The following ZFHX3 variants were observed in gnomAD, a reference collection of about 807,000 sequenced individuals.
The protein encoded by ZFHX3 is zinc finger homeobox protein 3.
ZFHX3 carries 42 observed loss-of-function variants against 279.1 expected under a neutral mutation model. The observed-to-expected ratio is 0.15, with a 90% CI of 0.12 to 0.19. The LOEUF is 0.19. Ranked by LOEUF, ZFHX3 falls within the 10% of genes least tolerant of loss-of-function variation. ZFHX3 has a pLI of 1.00. For missense variants in ZFHX3, 4,981 were observed against 4,754.0 expected (o/e 1.05, Z -1.40); for synonymous variants, 2,293 against 1,957.8 (o/e 1.17, Z -4.52).
At chr16:72,867,035 T>C (rs1405166995) in intron 4 of ZFHX3, among the ~76,000 whole-genome samples, 1 of 152,176 alleles carries the variant, frequency 6.6e-6, no homozygotes, top group Admixed American at 6.5e-5. Flanking sequence ...GTGTAGAAAG[T>C]AATTAAGAGT....
intron 1 of ZFHX3, among the ~76,000 whole-genome samples, chr16:73,764,118 C>T (rs2053901364): frequency 6.6e-6 from 1 of 152,164 alleles, no homozygotes; most frequent in Admixed American, 6.6e-5. Flanking sequence ...CATCTGTGAT[C>T]ATTTGTTACA....
In ZFHX3 at chr16:72,910,254, C is replaced by T. The variant is rs1205585133; in HGVS notation, c.3217-20292G>A. Reference sequence around the variant, plus strand: ...ACAAAAATGTGGCCTTCTGAGTCTACGCCTTCCAGTAGCTGAAAACAATCC... The same window carrying T: ...ACAAAAATGTGGCCTTCTGAGTCTATGCCTTCCAGTAGCTGAAAACAATCC... On this transcript the variant is annotated intron_variant, in intron 3 of 9. Coordinates refer to ENST00000268489, the MANE Select transcript of ZFHX3 (RefSeq NM_006885.4). 3.3e-5 allele frequency among the ~76,000 whole-genome samples: 5 copies of T among 152,172 alleles called. No individual in the cohort carries two copies. In the East Asian group the frequency reaches 5.8e-4, roughly 18 times the overall value.
At chr16:73,735,792 T>A (rs535122840) in intron 1 of ZFHX3, among the ~76,000 whole-genome samples, 1 of 152,300 alleles carries the variant, frequency 6.6e-6, no homozygotes, top group African/African-American at 2.4e-5. Context: ...CAGGAGCTGT[T>A]TCCCATCATC....
chr16:73,420,509 T>C (rs980719799), intron 3 of ZFHX3: 1 of 152,192 alleles, frequency 6.6e-6, no homozygotes, highest in African/African-American at 2.4e-5. Flanking sequence ...CATCCTACAA[T>C]GCCCTAGAAA....
intron 8 of ZFHX3, among the ~76,000 whole-genome samples, chr16:73,085,613 A>G (rs1374942595): frequency 6.6e-6 from 1 of 152,226 alleles, no homozygotes; most frequent in African/African-American, 2.4e-5. Flanking sequence ...TGTGACTGGG[A>G]AAATTAGATA....
At chr16:73,159,920 G>A (rs371895979) in intron 5 of ZFHX3, among the ~76,000 whole-genome samples, 7 of 152,170 alleles carry the variant, frequency 4.6e-5, no homozygotes, top group African/African-American at 1.7e-4. Context: ...GTGCCACCAT[G>A]CCTGGCTAAT....
At chr16:73,626,616 G>A (rs561920937) in intron 2 of ZFHX3, among the ~76,000 whole-genome samples, 14 of 152,080 alleles carry the variant, frequency 9.2e-5, no homozygotes, top group Non-Finnish European at 1.9e-4. Context: ...CCAAGGAGTG[G>A]TCTATTGACC....
At chr16:72,978,627 CG>C (rs1164820722) in intron 1 of ZFHX3, among the ~76,000 whole-genome samples, 2 of 152,146 alleles carry the variant, frequency 1.3e-5, no homozygotes, top group Non-Finnish European at 2.9e-5. Context: ...GAGCATCGGC[CG>C]GGGGTGGGAG....
At chr16:72,960,745 C>T (rs1246568122) in intron 1 of ZFHX3, among the ~76,000 whole-genome samples, 4 of 152,102 alleles carry the variant, frequency 2.6e-5, no homozygotes, top group African/African-American at 4.8e-5. Flanking sequence ...TTGCAGCCGT[C>T]GCTTTTACTG....
chr16:73,558,709 C>CTTT lies in ZFHX3; in HGVS notation c.-1546-102454_-1546-102452dup, dbSNP rs989644068. Among the ~76,000 whole-genome samples the CTTT allele has an allele frequency of 6.5e-3, 585 of 90,458 alleles. 7 individuals are homozygous for CTTT. The highest frequency in any genetic ancestry group is 0.01 in the Non-Finnish European group (471 of 46,898). 59.3% of individuals were successfully genotyped at this position (90,458 alleles called of 152,430 possible). On this transcript the variant is annotated intron_variant, in intron 2 of 17. Coordinates refer to the ZFHX3 transcript ENST00000641206. Reference sequence around the variant, plus strand: ...CGCACATACACAGAAGAAAATGACTCTTTTTTTTTTTTTTTTTTTTTTTGA... The same window carrying CTTT: ...CGCACATACACAGAAGAAAATGACTCTTTTTTTTTTTTTTTTTTTTTTTTTTGA...
intron 3 of ZFHX3, among the ~76,000 whole-genome samples, chr16:73,369,416 A>G (rs972733298): frequency 6.6e-6 from 1 of 152,238 alleles, no homozygotes; most frequent in Non-Finnish European, 1.5e-5. Context: ...CAAATGCACA[A>G]ATCGAATGCC....
At chr16:73,573,916 G>C (rs1027156157) in intron 2 of ZFHX3, among the ~76,000 whole-genome samples, 10 of 152,090 alleles carry the variant, frequency 6.6e-5, no homozygotes, top group African/African-American at 2.4e-4. Context: ...TTCTTTGCTG[G>C]TCCACCCATA....
chr16:73,297,305 G>A (rs960329627), intron 4 of ZFHX3, among the ~76,000 whole-genome samples: 6 of 151,942 alleles, frequency 3.9e-5, no homozygotes, highest in Middle Eastern at 3.2e-3. Context: ...CAAAGCCCAC[G>A]TGTTTAATAA....
At chr16:73,601,041 A>G (rs1343478073) in intron 2 of ZFHX3, among the ~76,000 whole-genome samples, 15 of 151,584 alleles carry the variant, frequency 9.9e-5, no homozygotes, top group Non-Finnish European at 2.9e-5. Context: ...TGAGTGTTTT[A>G]TTAGCAAATA....
At chr16:73,339,986 G>C (rs1465117655) in intron 3 of ZFHX3, among the ~76,000 whole-genome samples, 1 of 152,178 alleles carries the variant, frequency 6.6e-6, no homozygotes. Flanking sequence ...AGTCACCTTT[G>C]GGCCAGAAAG....
chr16:73,036,433 T>C (rs923707331), intron 1 of ZFHX3, among the ~76,000 whole-genome samples: 4 of 151,700 alleles, frequency 2.6e-5, no homozygotes, highest in Admixed American at 2.6e-4. Context: ...GGAAAAGGAG[T>C]TTAGGAAGAA....
chr16:73,763,903 G>C (rs1037492142), intron 1 of ZFHX3, among the ~76,000 whole-genome samples: 3 of 137,254 alleles, frequency 2.2e-5, no homozygotes, highest in Non-Finnish European at 4.6e-5. Flanking sequence ...AATGAATTCT[G>C]TGAACAACCA....
intron 2 of ZFHX3, among the ~76,000 whole-genome samples, chr16:73,467,792 A>G (rs1597346778): frequency 6.6e-6 from 1 of 152,364 alleles, no homozygotes. Context: ...CCAAAAGAGC[A>G]GCTGGCAGAA....
At chr16:73,529,080 A>T (rs768554854) in intron 2 of ZFHX3, among the ~76,000 whole-genome samples, 3 of 152,162 alleles carry the variant, frequency 2.0e-5, no homozygotes, top group Non-Finnish European at 4.4e-5. Flanking sequence ...GGAAAACAAT[A>T]CTCGTGATGA....
Sources: gnomAD v4.1 joint callset for allele counts (sites outside exome capture counted in the v4.1 genomes callset) on GRCh38, gnomAD v4.1.1 for gene constraint, MANE v1.5 for transcripts, NCBI Gene and HGNC (gene_info 2026-07-23, HGNC 2026-07-21) for gene names.